The following MBOAT2 variants were observed in gnomAD, a reference collection of about 807,000 sequenced individuals.
MBOAT2 encodes the protein membrane bound glycerophospholipid O-acyltransferase 2.
In MBOAT2, 28 loss-of-function variants were observed where a neutral mutation model predicts 63.4. The ratio of observed to expected loss-of-function variants is 0.44; its 90% confidence interval spans 0.33 to 0.61. The LOEUF (loss-of-function observed/expected upper bound fraction) is 0.61, where lower values mean the gene tolerates loss of function less well. Among genes scored for constraint, MBOAT2 ranks in the 20% least tolerant of loss-of-function variants. The pLI is 0.03. For synonymous variants in MBOAT2, 211 were observed against 215.6 expected (o/e 0.98, Z 0.19); for missense variants, 470 against 605.8 (o/e 0.78, Z 2.35).
intron 12 of MBOAT2, among the ~76,000 whole-genome samples, 175 bp from the exon 13 acceptor site, chr2:8,859,079 G>C (rs760432148): frequency 6.6e-6 from 1 of 151,996 alleles, no homozygotes; most frequent in Non-Finnish European, 1.5e-5. Flanking sequence ...TAGGCCAGTG[G>C]GTATTTATAG....
intron 1 of MBOAT2, among the ~76,000 whole-genome samples, chr2:8,965,063 T>C (rs1669889140): frequency 6.6e-6 from 1 of 152,222 alleles, no homozygotes; most frequent in African/African-American, 2.4e-5. Flanking sequence ...TTACAGTCTG[T>C]GAGCTCTTTA....
intron 1 of MBOAT2, among the ~76,000 whole-genome samples, chr2:8,992,119 C>G (rs1671954272): frequency 6.6e-6 from 1 of 152,206 alleles, no homozygotes; most frequent in Non-Finnish European, 1.5e-5. Context: ...CTTCCGGTCT[C>G]AAGTCATTTT....
At chr2:8,983,846 AC>A (rs1292175879) in intron 1 of MBOAT2, among the ~76,000 whole-genome samples, 1 of 152,172 alleles carries the variant, frequency 6.6e-6, no homozygotes, top group Non-Finnish European at 1.5e-5. Context: ...TGTACTTGGA[AC>A]TTTTCTGTGA....
intron 1 of MBOAT2, among the ~76,000 whole-genome samples, chr2:8,974,592 C>T (rs1307002668): frequency 6.6e-6 from 1 of 152,128 alleles, no homozygotes; most frequent in Non-Finnish European, 1.5e-5. Context: ...TGGAAGGATA[C>T]CCAGTAACTG....
intron 4 of MBOAT2, among the ~76,000 whole-genome samples, chr2:8,892,288 A>G (rs1009051827): frequency 1.3e-5 from 2 of 152,168 alleles, no homozygotes; most frequent in Non-Finnish European, 2.9e-5. Context: ...ACGGAGGCAA[A>G]CTGTTAACTG....
intron 4 of MBOAT2, among the ~76,000 whole-genome samples, chr2:8,896,112 A>C (rs1664447656): frequency 6.6e-6 from 1 of 151,930 alleles, no homozygotes; most frequent in South Asian, 2.1e-4. Context: ...GGTGGCAGGC[A>C]CCTGTAGTCC....
chr2:8,973,025 A>C (rs1670562472), intron 1 of MBOAT2, among the ~76,000 whole-genome samples: 1 of 152,338 alleles, frequency 6.6e-6, no homozygotes, highest in African/African-American at 2.4e-5. Flanking sequence ...CTGGGTATAT[A>C]CCCAAAGGAT....
At chr2:8,961,190 A>G (rs528607790) in intron 1 of MBOAT2, among the ~76,000 whole-genome samples, 3 of 152,356 alleles carry the variant, frequency 2.0e-5, no homozygotes, top group East Asian at 1.9e-4. Flanking sequence ...ACAAATATCA[A>G]TGTCCAATAA....
At chr2:8,894,529 G>C (rs1476738009) in intron 4 of MBOAT2, among the ~76,000 whole-genome samples, 2 of 152,202 alleles carry the variant, frequency 1.3e-5, no homozygotes, top group African/African-American at 4.8e-5. Flanking sequence ...GCCAAGGGGG[G>C]CCTTCCATGA....
intron 1 of MBOAT2, among the ~76,000 whole-genome samples, chr2:8,995,590 A>ATTTT (rs34038834): frequency 1.5e-5 from 2 of 134,408 alleles, no homozygotes; most frequent in East Asian, 2.1e-4. Context: ...AATACATTCC[A>ATTTT]TTTTTTTTTT....
rs1167645634 is a variant in MBOAT2, at chr2:8,853,145, CT to C, written c.*5533del. ...AGGAATGAAATCACACATTTTCACT[CT>C]GTATATGGAAGAATTTCTCACTTCA... On this transcript the variant is annotated 3_prime_UTR_variant, in exon 13 of 13. Coordinates refer to ENST00000305997, the MANE Select transcript of MBOAT2 (RefSeq NM_138799.4). 6.6e-6 allele frequency: 1 copy of C among 152,166 alleles called. No individual in the cohort carries two copies. Among genetic ancestry groups the C allele is most frequent in the Non-Finnish European group, 1.5e-5 (1 of 68,030 alleles). The allele number at this position is 152,166 out of a possible 1,614,324, so 9.4% of individuals were successfully genotyped here. A position where few individuals can be genotyped will look rare whatever the true frequency, so the allele number is the denominator to read the frequency against.
At chr2:8,985,988 G>C (rs1671537600) in intron 1 of MBOAT2, among the ~76,000 whole-genome samples, 1 of 152,168 alleles carries the variant, frequency 6.6e-6, no homozygotes, top group Non-Finnish European at 1.5e-5. Flanking sequence ...AAATCTGACA[G>C]ACACTGCCTC....
chr2:8,948,793 C>G (rs917991234), intron 2 of MBOAT2, among the ~76,000 whole-genome samples: 1 of 152,086 alleles, frequency 6.6e-6, no homozygotes, highest in Non-Finnish European at 1.5e-5. Context: ...AACAGTGCTG[C>G]GATTAACAGG....
chr2:8,957,975 C>T (rs540083435), intron 2 of MBOAT2, among the ~76,000 whole-genome samples: 71 of 152,232 alleles, frequency 4.7e-4, no homozygotes, highest in Non-Finnish European at 4.1e-4. Flanking sequence ...ACACCAACAT[C>T]CATTTGAAAA....
At chr2:8,883,560 T>C (rs886354626) in intron 5 of MBOAT2, among the ~76,000 whole-genome samples, 7 of 152,204 alleles carry the variant, frequency 4.6e-5, no homozygotes, top group African/African-American at 1.7e-4. Flanking sequence ...TTCTATGCAC[T>C]GAGGAAAGAG....
intron 12 of MBOAT2, 94 bp from the exon 13 acceptor site, chr2:8,858,998 G>A (rs1283559546): frequency 7.8e-6 from 7 of 901,648 alleles, no homozygotes; most frequent in Non-Finnish European, 1.2e-5. Flanking sequence ...CCCACCTTAG[G>A]ATGTATTTGT....
rs1195129359 is a variant in MBOAT2, at chr2:8,854,074, T to C, written c.*4605A>G. The C allele has an allele frequency of 1.7e-4, 26 of 152,184 alleles. No homozygotes were observed. The highest frequency in any genetic ancestry group is 1.4e-3 in the Admixed American group (21 of 15,278). The allele number at this position is 152,184 out of a possible 1,614,324, so 9.4% of individuals were successfully genotyped here. ...TGATTATAAGAGCTTTCCTACAAAA[T>C]ACCGATGTGGAAAATTTCATTTTAA... On this transcript the variant is annotated 3_prime_UTR_variant, in exon 13 of 13. Transcript: ENST00000305997.
intron 3 of MBOAT2, among the ~76,000 whole-genome samples, chr2:8,936,858 T>G (rs556121757): frequency 1.3e-5 from 2 of 151,774 alleles, no homozygotes; most frequent in African/African-American, 4.8e-5. Context: ...GAAAATTACT[T>G]GCCAAGTTAT....
At chr2:8,871,860 G>C (rs1662349762) in intron 8 of MBOAT2, among the ~76,000 whole-genome samples, 1 of 152,116 alleles carries the variant, frequency 6.6e-6, no homozygotes, top group Non-Finnish European at 1.5e-5. Flanking sequence ...TCAAATATTT[G>C]TTGAGTAACA....
Sources: gnomAD v4.1 joint callset for allele counts (sites outside exome capture counted in the v4.1 genomes callset) on GRCh38, gnomAD v4.1.1 for gene constraint, MANE v1.5 for transcripts, NCBI Gene and HGNC (gene_info 2026-07-23, HGNC 2026-07-21) for gene names.